The following TENM1 variants were observed in gnomAD, a reference collection of about 807,000 sequenced individuals.
TENM1 encodes the protein teneurin-1.
In TENM1, 35 loss-of-function variants were observed where a neutral mutation model predicts 174.8. The ratio of observed to expected loss-of-function variants is 0.20; its 90% CI spans 0.15 to 0.27. The LOEUF (loss-of-function observed/expected upper bound fraction) is 0.27. Ranked by LOEUF, TENM1 falls within the 10% of genes least tolerant of loss-of-function variation. The probability of loss-of-function intolerance (pLI) is 1.00; values close to 1 mark genes in which losing one functional copy is unlikely to be tolerated. For synonymous variants in TENM1, 781 were observed against 798.7 expected, an observed-to-expected ratio of 0.98 and a Z score of 0.37; for missense variants, 1,633 against 2,130.1, an observed-to-expected ratio of 0.77 and a Z score of 4.59.
intron 19 of TENM1, among the ~76,000 whole-genome samples, chrX:124,501,480 T>C (rs762505373): frequency 8.9e-6 from 1 of 112,204 alleles, no homozygotes; most frequent in African/African-American, 3.2e-5. Flanking sequence ...AACTGAAGAA[T>C]AGAATGGCAA....
chrX:124,422,739 G>A (rs2060669227), intron 23 of TENM1, 101 bp from the exon 27 acceptor site: 10 of 875,151 alleles, frequency 1.1e-5, no homozygotes, highest in Admixed American at 6.0e-5. Flanking sequence ...TGTTTCCCCC[G>A]TCTTATGAAT....
intron 1 of TENM1, among the ~76,000 whole-genome samples, chrX:124,962,643 C>A (rs974639768): frequency 2.7e-5 from 3 of 110,929 alleles, no homozygotes; most frequent in Admixed American, 1.9e-4. Context: ...CATGGTGAAA[C>A]CCCATCTCCA....
the TENM1 span, among the ~76,000 whole-genome samples, chrX:125,160,128 A>G: frequency 9.4e-6 from 1 of 106,300 alleles, no homozygotes; most frequent in Non-Finnish European, 1.9e-5. Context: ...TGAACCTGGG[A>G]GGCAGAGATT....
rs1391246582 is a variant in TENM1, at chrX:124,434,171, A to G, written c.4105-11533T>C. Among the ~76,000 whole-genome samples, 3 of 111,905 alleles carry G rather than the reference A, an allele frequency of 2.7e-5. No individual in the cohort carries two copies. In the Admixed American group the frequency reaches 2.9e-4, roughly 11 times the overall value. On this transcript the variant is annotated intron_variant, in intron 23 of 31. Coordinates refer to ENST00000422452, the Ensembl canonical transcript of TENM1. ...ACACTTTTATTTTCTAATAAGGTAAATATTCATAGGATAAAACCAACAAAA... is the reference window on the plus strand; with the variant it reads ...ACACTTTTATTTTCTAATAAGGTAAGTATTCATAGGATAAAACCAACAAAA...
At position 124,618,304 on chromosome X, in the gene TENM1, T is replaced by A. The variant is rs759141638; in HGVS notation, c.2077+23487A>T. On this transcript the variant is annotated intron_variant, in intron 11 of 31. Coordinates refer to ENST00000422452, the Ensembl canonical transcript of TENM1. ...AGACTTTCTACTTTTCCATGATCTG[T>A]TTATTGAGGCATCAATACCAACTTG... Among the ~76,000 whole-genome samples, 5 of 112,170 alleles carry A rather than the reference T, an allele frequency of 4.5e-5. No individual in the cohort carries two copies. In the South Asian group the frequency reaches 1.9e-3, roughly 42 times the overall value.
chrX:124,783,498 A>G (rs1053675828), intron 3 of TENM1, among the ~76,000 whole-genome samples: 2 of 111,784 alleles, frequency 1.8e-5, no homozygotes, highest in Non-Finnish European at 3.8e-5. Flanking sequence ...AGAACTCACT[A>G]TAAAGAGCAG....
the TENM1 span, among the ~76,000 whole-genome samples, chrX:125,085,584 T>C: frequency 2.8e-4 from 31 of 111,622 alleles, no homozygotes; most frequent in African/African-American, 9.0e-4. Context: ...ATTTCTAATA[T>C]TTGTGAATAT....
chrX:125,183,001 A>C, the TENM1 span, among the ~76,000 whole-genome samples: 1 of 112,054 alleles, frequency 8.9e-6, no homozygotes, highest in African/African-American at 3.2e-5. Flanking sequence ...GCAGAGCAAA[A>C]GAAAGGGAAC....
chrX:125,044,328 C>T, the TENM1 span, among the ~76,000 whole-genome samples: 22 of 110,028 alleles, frequency 2.0e-4, no homozygotes, highest in African/African-American at 6.2e-4. Context: ...TGGCTTACAC[C>T]TATAATCCCA....
At chrX:124,773,641 C>T (rs1473123915) in intron 3 of TENM1, among the ~76,000 whole-genome samples, 5 of 110,806 alleles carry the variant, frequency 4.5e-5, no homozygotes, top group East Asian at 2.8e-4. Context: ...CTAAGGTTGT[C>T]GAATTAGGAG....
chrX:124,995,350 T>C, the TENM1 span, among the ~76,000 whole-genome samples: 1 of 111,444 alleles, frequency 9.0e-6, no homozygotes, highest in Non-Finnish European at 1.9e-5. Context: ...TCTTGTCTAT[T>C]GTATTCTACT....
chrX:124,832,161 G>T (rs1242865744), intron 3 of TENM1, among the ~76,000 whole-genome samples: 1 of 111,575 alleles, frequency 9.0e-6, no homozygotes, highest in Non-Finnish European at 1.9e-5. Flanking sequence ...TGCCATTGCC[G>T]TGGGTGTATG....
At chrX:124,494,335 A>G (rs2047137655) in intron 20 of TENM1, among the ~76,000 whole-genome samples, 1 of 111,009 alleles carries the variant, frequency 9.0e-6, no homozygotes, top group South Asian at 3.9e-4. Flanking sequence ...GATAGCATCT[A>G]GATCTTCTGA....
At chrX:124,608,864 T>A (rs1458876510) in intron 11 of TENM1, among the ~76,000 whole-genome samples, 4 of 110,208 alleles carry the variant, frequency 3.6e-5, no homozygotes, top group Non-Finnish European at 7.6e-5. Context: ...ATATTCTTTT[T>A]GAGCTAAATC....
chrX:124,523,341 C>T (rs1452508386), intron 17 of TENM1, 23 bp downstream of exon 20: 1 of 1,200,621 alleles, frequency 8.3e-7, no homozygotes, highest in Non-Finnish European at 1.1e-6. Context: ...TTATTTTATA[C>T]ATTCAAAGGC....
intron 12 of TENM1, among the ~76,000 whole-genome samples, chrX:124,565,134 A>T (rs969757078): frequency 8.0e-5 from 9 of 112,187 alleles, no homozygotes; most frequent in Non-Finnish European, 1.7e-4. Context: ...AAGCACTTGA[A>T]AGCAGAAAAC....
intron 3 of TENM1, among the ~76,000 whole-genome samples, chrX:124,751,246 T>C (rs1398833608): frequency 1.8e-5 from 2 of 111,973 alleles, no homozygotes; most frequent in African/African-American, 6.5e-5. Context: ...ATACAATAAC[T>C]GGCATTCATG....
chrX:124,704,422 GAAC>G (rs1389991202), intron 5 of TENM1, among the ~76,000 whole-genome samples: 4 of 111,872 alleles, frequency 3.6e-5, no homozygotes, highest in African/African-American at 3.2e-5. Context: ...GGTGACTCAA[GAAC>G]AACAACATTT....
chrX:124,690,090 T>G (rs1444529209), intron 5 of TENM1, among the ~76,000 whole-genome samples: 2 of 111,856 alleles, frequency 1.8e-5, no homozygotes, highest in African/African-American at 3.2e-5. Flanking sequence ...AGAAATTAAA[T>G]GATTAATTTT....
Sources: allele counts gnomAD v4.1 joint callset (sites outside exome capture counted in the v4.1 genomes callset), GRCh38; gene constraint gnomAD v4.1.1; transcripts MANE v1.5; gene names NCBI Gene and HGNC (gene_info 2026-07-23, HGNC 2026-07-21).